MARCHF3: variants seen among roughly 807,000 people sequenced by gnomAD.
MARCHF3 encodes E3 ubiquitin-protein ligase MARCHF3.
In MARCHF3, 13 loss-of-function variants were observed where a neutral mutation model predicts 24.2. The ratio of observed to expected loss-of-function variants is 0.54; its 90% CI spans 0.35 to 0.85. The LOEUF is 0.85. MARCHF3 is among the 40% of genes least tolerant of loss of function. The probability of loss-of-function intolerance (pLI) is 0.01; values close to 1 mark genes in which losing one functional copy is unlikely to be tolerated. For missense variants in MARCHF3, 276 were observed against 325.0 expected, an observed-to-expected ratio of 0.85 and a Z score of 1.16; for synonymous variants, 144 against 137.3, an observed-to-expected ratio of 1.05 and a Z score of -0.34.
chr5:126,918,275 A>G, intron 1 of MARCHF3, 48 bp from the exon 2 acceptor site: 2 of 1,239,220 alleles, frequency 1.6e-6, no homozygotes, highest in Non-Finnish European at 2.2e-6. Flanking sequence ...GGCTAATAGA[A>G]AATGGAGAAT....
At chr5:127,016,241 G>C (rs980665196) in intron 1 of MARCHF3, among the ~76,000 whole-genome samples, 1 of 151,994 alleles carries the variant, frequency 6.6e-6, no homozygotes, top group Non-Finnish European at 1.5e-5. Flanking sequence ...TGCAGACAAG[G>C]GTGAACTACT....
intron 1 of MARCHF3, among the ~76,000 whole-genome samples, chr5:127,019,553 G>A (rs1752729715): frequency 6.6e-6 from 1 of 152,202 alleles, no homozygotes; most frequent in Non-Finnish European, 1.5e-5. Flanking sequence ...TGGAACGGGG[G>A]CAGCTATGTG....
intron 2 of MARCHF3, among the ~76,000 whole-genome samples, chr5:126,916,647 G>A (rs1271116563): frequency 6.8e-6 from 1 of 146,840 alleles, no homozygotes; most frequent in East Asian, 2.0e-4. Context: ...TTACAGTACC[G>A]CATGGTGGGA....
intron 1 of MARCHF3, among the ~76,000 whole-genome samples, chr5:126,934,159 T>G (rs1749563907): frequency 1.3e-5 from 2 of 152,200 alleles, no homozygotes; most frequent in Non-Finnish European, 1.5e-5. Context: ...TGACAGAACC[T>G]CTCTACTTTC....
At chr5:126,944,040 G>C (rs1212777048) in intron 1 of MARCHF3, among the ~76,000 whole-genome samples, 1 of 151,844 alleles carries the variant, frequency 6.6e-6, no homozygotes, top group Non-Finnish European at 1.5e-5. Context: ...TTGAACTCCT[G>C]ACCTCATGAT....
At chr5:126,900,416 G>A (rs1203117265) in intron 3 of MARCHF3, among the ~76,000 whole-genome samples, 1 of 151,962 alleles carries the variant, frequency 6.6e-6, no homozygotes, top group Non-Finnish European at 1.5e-5. Flanking sequence ...ACTGAGATTT[G>A]TGCCCTTACA....
intron 1 of MARCHF3, among the ~76,000 whole-genome samples, chr5:127,021,864 G>A (rs1752815928): frequency 6.6e-6 from 1 of 152,132 alleles, no homozygotes; most frequent in Non-Finnish European, 1.5e-5. Flanking sequence ...TAATAACTTA[G>A]CCTCAAAAGA....
intron 3 of MARCHF3, among the ~76,000 whole-genome samples, chr5:126,894,334 T>A (rs1753797498): frequency 6.6e-6 from 1 of 151,392 alleles, no homozygotes; most frequent in Non-Finnish European, 1.5e-5. Context: ...CCTGTCATTA[T>A]GATGTTAGCT....
chr5:126,921,420 G>T (rs946029124), intron 1 of MARCHF3, among the ~76,000 whole-genome samples: 22 of 152,172 alleles, frequency 1.4e-4, no homozygotes, highest in African/African-American at 3.6e-4. Flanking sequence ...GGGGCAGGCA[G>T]GAGCGGACCT....
intron 3 of MARCHF3, among the ~76,000 whole-genome samples, chr5:126,899,940 C>G (rs1489128729): frequency 2.6e-5 from 4 of 151,988 alleles, no homozygotes; most frequent in African/African-American, 9.7e-5. Flanking sequence ...AAGCTCATGC[C>G]TTACATTAGA....
chr5:126,997,770 A>C (rs1751997033), intron 1 of MARCHF3, among the ~76,000 whole-genome samples: 3 of 152,240 alleles, frequency 2.0e-5, no homozygotes, highest in Admixed American at 6.5e-5. Context: ...TTAGATAAAT[A>C]ATAATTCTCA....
chr5:126,989,785 C>T (rs1335247120), intron 1 of MARCHF3, among the ~76,000 whole-genome samples: 1 of 152,134 alleles, frequency 6.6e-6, no homozygotes, highest in East Asian at 1.9e-4. Flanking sequence ...ATATTACACT[C>T]TGATCTTCAG....
At chr5:126,907,880 T>C (rs1754359955) in intron 3 of MARCHF3, among the ~76,000 whole-genome samples, 2 of 152,188 alleles carry the variant, frequency 1.3e-5, no homozygotes, top group South Asian at 2.1e-4. Flanking sequence ...TAGCTGATTA[T>C]TTTGCTCGTT....
At position 126,973,470 on chromosome 5, in the gene MARCHF3, C is replaced by T. The variant is rs528466606; in HGVS notation, c.-56-55243G>A. Among the ~76,000 whole-genome samples, 10 of 152,330 alleles carry T rather than the reference C, an allele frequency of 6.6e-5. No homozygotes were observed. In the East Asian group the frequency reaches 1.2e-3, roughly 18 times the overall value. On this transcript the variant is annotated intron_variant, in intron 1 of 4. Transcript: ENST00000308660. ...GTATAGCTTCCACCTGTAGGGGAGGCGCCTGCAAACCTGGCAGCTCTGAGG... is the reference window on the plus strand; with the variant it reads ...GTATAGCTTCCACCTGTAGGGGAGGTGCCTGCAAACCTGGCAGCTCTGAGG...
intron 3 of MARCHF3, among the ~76,000 whole-genome samples, chr5:126,879,437 A>G (rs565311995): frequency 6.6e-4 from 100 of 152,144 alleles, no homozygotes; most frequent in African/African-American, 2.3e-3. Context: ...TGGATCCTGA[A>G]CCTCCTCACT....
At chr5:126,870,890 G>A in intron 4 of MARCHF3, 99 bp from the exon 5 acceptor site, 1 of 1,484,618 alleles carries the variant, frequency 6.7e-7, no homozygotes, top group Non-Finnish European at 9.1e-7. Context: ...GAGCTTCAAA[G>A]AGCTGGAAGC....
At chr5:126,975,053 T>C (rs992420426) in intron 1 of MARCHF3, among the ~76,000 whole-genome samples, 3 of 152,206 alleles carry the variant, frequency 2.0e-5, no homozygotes, top group African/African-American at 7.2e-5. Flanking sequence ...GCCTCCCAGG[T>C]TCAAGTGATT....
intron 1 of MARCHF3, among the ~76,000 whole-genome samples, chr5:126,970,718 T>C (rs116125573): frequency 0.016 from 2,507 of 152,290 alleles, 64 homozygotes; most frequent in African/African-American, 0.057. Context: ...AAAAGAGTGA[T>C]TTTCCAAAAA....
chr5:127,011,468 T>A (rs1312311837), intron 1 of MARCHF3, among the ~76,000 whole-genome samples: 1 of 152,226 alleles, frequency 6.6e-6, no homozygotes, highest in African/African-American at 2.4e-5. Context: ...TGAGGTATTG[T>A]CTCTCATTTG....
Sources: gnomAD v4.1 joint callset for allele counts (sites outside exome capture counted in the v4.1 genomes callset) on GRCh38, gnomAD v4.1.1 for gene constraint, MANE v1.5 for transcripts, NCBI Gene and HGNC (gene_info 2026-07-23, HGNC 2026-07-21) for gene names.